The following UGT1A6 variants were observed in gnomAD, a reference collection of about 807,000 sequenced individuals.
UGT1A6 encodes the protein UDP-glucuronosyltransferase 1A6.
Under a neutral mutation model 44.4 loss-of-function variants are expected in UGT1A6, and 32 were observed. The observed-to-expected ratio is 0.72, with a 90% confidence interval of 0.54 to 0.97. The LOEUF (loss-of-function observed/expected upper bound fraction) is 0.97. UGT1A6 is among the 50% of genes least tolerant of loss of function. The pLI, the probability that UGT1A6 is intolerant of heterozygous loss-of-function variation, is 0.00. For synonymous variants in UGT1A6, 238 were observed against 248.5 expected (o/e 0.96, Z 0.40); for missense variants, 685 against 661.9 (o/e 1.03, Z -0.38).
intron 1 of UGT1A6, chr2:233,729,903 G>C (rs2077945503): frequency 6.2e-7 from 1 of 1,613,906 alleles, no homozygotes; most frequent in East Asian, 2.2e-5. Flanking sequence ...TGTTCCGAGG[G>C]GACTTTGTGA....
At chr2:233,752,137 C>T (rs1694900584) in intron 1 of UGT1A6, among the ~76,000 whole-genome samples, 1 of 152,200 alleles carries the variant, frequency 6.6e-6, no homozygotes, top group Non-Finnish European at 1.5e-5. Flanking sequence ...CAGAAAGGAT[C>T]ATTCCCTCTT....
intron 1 of UGT1A6, among the ~76,000 whole-genome samples, chr2:233,701,754 TA>T (rs1256894666): frequency 6.6e-6 from 1 of 152,102 alleles, no homozygotes; most frequent in Admixed American, 6.5e-5. Context: ...ACTGGGTACA[TA>T]ACGAAATGAA....
intron 1 of UGT1A6, chr2:233,760,668 T>C: frequency 6.2e-7 from 1 of 1,614,252 alleles, no homozygotes; most frequent in Non-Finnish European, 8.5e-7. Context: ...TGTCTGGCTG[T>C]TCCCACTTAC....
intron 1 of UGT1A6, chr2:233,719,118 T>C (rs1175236836): frequency 6.2e-7 from 1 of 1,614,062 alleles, no homozygotes; most frequent in East Asian, 2.2e-5. Flanking sequence ...CACTCAAGGG[T>C]TCTTTGAAAC....
At position 233,749,745 on chromosome 2, in the gene UGT1A6, G is replaced by T. The variant is rs1364813109; in HGVS notation, c.862-17289G>T. On this transcript the variant is annotated intron_variant, in intron 1 of 4. Coordinates refer to ENST00000305139, the MANE Select transcript of UGT1A6 (RefSeq NM_001072.4). ...TTTCGCACCTGCTGGTCTCATCATA[G>T]TGAGTGAGTTCTTATGAGATCTGAT... Among the ~76,000 whole-genome samples the T allele has an allele frequency of 4.6e-5, 7 of 151,902 alleles. 2 individuals carry two copies. The highest frequency in any genetic ancestry group is 1.0e-4 in the Non-Finnish European group (7 of 68,034).
chr2:233,743,882 C>T (rs779162939), intron 1 of UGT1A6: 31 of 1,366,974 alleles, frequency 2.3e-5, no homozygotes, highest in African/African-American at 3.0e-5. Context: ...TGAGGCCTGC[C>T]GGGGCACGTC....
At chr2:233,718,862 A>T (rs62191899) in intron 1 of UGT1A6, 1 of 1,613,832 alleles carries the variant, frequency 6.2e-7, no homozygotes, top group Non-Finnish European at 8.5e-7. Flanking sequence ...GGCTGGCCAC[A>T]GGACTGCTGC....
At position 233,742,119 on chromosome 2, in the gene UGT1A6, C is replaced by T. The variant is rs142315410; in HGVS notation, c.862-24915C>T. Among the ~76,000 whole-genome samples, 140 of 151,952 alleles carry T rather than the reference C, an allele frequency of 9.2e-4. 4 individuals carry two copies. The highest frequency in any genetic ancestry group is 3.3e-3 in the African/African-American group (138 of 41,214). The stretch of plus-strand genomic sequence containing the variant: ...GACCCACTGCCAAGACCAGCTTGGT[C>T]GTGGAGACCCTAACCCAGCAGCGCT... On this transcript the variant is annotated intron_variant, in intron 1 of 4. Coordinates refer to ENST00000305139, the MANE Select transcript of UGT1A6 (RefSeq NM_001072.4).
At chr2:233,717,670 G>GC (rs2076597082) in intron 1 of UGT1A6, 1 of 419,050 alleles carries the variant, frequency 2.4e-6, no homozygotes, top group African/African-American at 2.0e-5. Context: ...CAGCAATCTT[G>GC]CGAGCACATG....
chr2:233,720,447 A>G lies in UGT1A6; in HGVS notation c.861+26582A>G, dbSNP rs148666216. Among the ~76,000 whole-genome samples the G allele has an allele frequency of 8.6e-4, 131 of 152,258 alleles. 1 individual carries two copies. The highest frequency in any genetic ancestry group is 3.8e-4 in the Non-Finnish European group (26 of 68,020). On this transcript the variant is annotated intron_variant, in intron 1 of 4. Coordinates refer to ENST00000305139, the MANE Select transcript of UGT1A6 (RefSeq NM_001072.4). ...GATAAGACCGTGAATCTATAAGCCC[A>G]GTGAAGCTGGGACCAGTGATGAATG...
At chr2:233,707,135 C>A (rs2075943267) in intron 1 of UGT1A6, among the ~76,000 whole-genome samples, 1 of 152,064 alleles carries the variant, frequency 6.6e-6, no homozygotes, top group African/African-American at 2.4e-5. Context: ...GCTTTCTATC[C>A]CGGAGGTCAC....
At chr2:233,737,546 G>C (rs1575619302) in intron 1 of UGT1A6, among the ~76,000 whole-genome samples, 1 of 152,122 alleles carries the variant, frequency 6.6e-6, no homozygotes, top group Non-Finnish European at 1.5e-5. Flanking sequence ...GCTTCGGCTT[G>C]CCCTCAGTGG....
In UGT1A6 at chr2:233,744,010, C is replaced by A; in HGVS notation, c.862-23024C>A. 3.5e-6 allele frequency: 4 copies of A among 1,130,890 alleles called. No individual in the cohort carries two copies. In the South Asian group the frequency reaches 4.3e-5, roughly 12 times the overall value. 70.1% of individuals were successfully genotyped at this position (1,130,890 alleles called of 1,614,324 possible). On this transcript the variant is annotated intron_variant, in intron 1 of 4. Transcript: ENST00000305139. ...AGGCCCGAGTGCTCGGAGACCTGGG[C>A]CGCCTGGAGAGACGCCCCTTATGAC...
At chr2:233,713,363 A>T (rs753739474) in intron 1 of UGT1A6, 20 of 1,614,076 alleles carry the variant, frequency 1.2e-5, no homozygotes, top group East Asian at 2.2e-5. Context: ...CTTTGATCAT[A>T]CATAGGTCTT....
intron 1 of UGT1A6, chr2:233,713,939 T>G: frequency 6.2e-7 from 1 of 1,610,264 alleles, no homozygotes; most frequent in Non-Finnish European, 8.5e-7. Context: ...AGTGCTTCCA[T>G]ATCTACTTAT....
intron 1 of UGT1A6, among the ~76,000 whole-genome samples, chr2:233,745,931 A>T (rs1693251740): frequency 1.3e-5 from 2 of 151,426 alleles, no homozygotes; most frequent in African/African-American, 4.9e-5. Flanking sequence ...TTCAGAAGGG[A>T]CAGCTGGGGG....
chr2:233,724,540 G>A (rs1161691820), intron 1 of UGT1A6, among the ~76,000 whole-genome samples: 2 of 122,844 alleles, frequency 1.6e-5, no homozygotes, highest in African/African-American at 3.3e-5. Context: ...CCGGGCAGAG[G>A]CGCTCCTCAC....
At chr2:233,752,994 T>C (rs1324115545) in intron 1 of UGT1A6, among the ~76,000 whole-genome samples, 2 of 152,114 alleles carry the variant, frequency 1.3e-5, no homozygotes, top group Admixed American at 1.3e-4. Flanking sequence ...ACCCACTCAT[T>C]CTATCCTACC....
chr2:233,742,206 C>T (rs2125841703), intron 1 of UGT1A6, among the ~76,000 whole-genome samples: 1 of 152,086 alleles, frequency 6.6e-6, no homozygotes, highest in African/African-American at 2.4e-5. Context: ...AGGGGACTCA[C>T]AGCCTTCAGG....
Sources: allele counts gnomAD v4.1 joint callset (sites outside exome capture counted in the v4.1 genomes callset), GRCh38; gene constraint gnomAD v4.1.1; transcripts MANE v1.5; gene names NCBI Gene and HGNC (gene_info 2026-07-23, HGNC 2026-07-21).